LRRC7: variants seen among roughly 807,000 people sequenced by gnomAD.
LRRC7 encodes leucine-rich repeat-containing protein 7.
LRRC7 carries 23 observed loss-of-function variants against 175.7 expected under a neutral mutation model. The ratio of observed to expected loss-of-function variants is 0.13; its 90% confidence interval spans 0.09 to 0.19. The LOEUF is 0.19. Among genes scored for constraint, LRRC7 ranks in the 10% least tolerant of loss-of-function variants. The pLI, the probability that LRRC7 is intolerant of heterozygous loss-of-function variation, is 1.00. For synonymous variants in LRRC7, 685 were observed against 680.9 expected (o/e 1.01, Z -0.09); for missense variants, 1,354 against 1,904.7 (o/e 0.71, Z 5.38).
chr1:69,867,897 G>A (rs2175744), intron 7 of LRRC7, among the ~76,000 whole-genome samples: 71,558 of 151,794 alleles, frequency 0.47, 17,197 homozygotes, highest in East Asian at 0.55. Flanking sequence ...TTTTGAATAT[G>A]TGAAGTTTTA....
chr1:70,012,034 A>T (rs1656559213), intron 12 of LRRC7, 108 bp downstream of exon 12: 1 of 647,024 alleles, frequency 1.5e-6, no homozygotes, highest in East Asian at 2.9e-5. Flanking sequence ...AGCTGTGAAT[A>T]TATATAGGAA....
chr1:69,636,709 G>A (rs1653417541), intron 1 of LRRC7, among the ~76,000 whole-genome samples: 1 of 151,802 alleles, frequency 6.6e-6, no homozygotes, highest in Non-Finnish European at 1.5e-5. Flanking sequence ...CTCATTTGTT[G>A]ACAAATAAAG....
chr1:69,817,110 C>A (rs1678689021), intron 4 of LRRC7, among the ~76,000 whole-genome samples: 1 of 151,878 alleles, frequency 6.6e-6, no homozygotes, highest in Admixed American at 6.6e-5. Context: ...TTTGTATAGT[C>A]CTACTTGCTT....
Position 69,838,201 on chromosome 1 carries a change from G to T in LRRC7, c.591-26G>T, listed in dbSNP as rs371575240. ...ATTTTTTAGACAGACATACTAAGAG[G>T]AAATTTTTAAAATTCATTTCTGTAG... On this transcript the variant is annotated intron_variant, in intron 6 of 26. Coordinates refer to ENST00000651989, the MANE Select transcript of LRRC7 (RefSeq NM_001370785.2). The T allele has an allele frequency of 1.2e-5, 19 of 1,584,086 alleles. No homozygotes were observed. In the African/African-American group the frequency reaches 2.2e-4, roughly 18 times the overall value.
At chr1:69,577,373 CTTTAG>C (rs1645998065) in intron 1 of LRRC7, among the ~76,000 whole-genome samples, 2 of 152,204 alleles carry the variant, frequency 1.3e-5, no homozygotes, top group African/African-American at 4.8e-5. Context: ...TGCAGAAGCT[CTTTAG>C]TTTAATTAGA....
Position 70,039,495 on chromosome 1 carries a change from C to T in LRRC7, c.3671C>T (p.Ala1224Val), listed in dbSNP as rs141951097. ...HPSYQEVKAQ[A>V]GSFPVKNLTQ... ...TCATATCAAGAAGTGAAAGCTCAGGCGGGAAGTTTTCCGGTTAAAAACCTT... is the reference window on the plus strand; with the variant it reads ...TCATATCAAGAAGTGAAAGCTCAGGTGGGAAGTTTTCCGGTTAAAAACCTT... Residue 1224 changes from alanine (A) to valine (V), a missense_variant, in exon 21 of 27, where the codon GCG (alanine) becomes GTG (valine). Coordinates refer to ENST00000651989, the MANE Select transcript of LRRC7 (RefSeq NM_001370785.2). The T allele has an allele frequency of 1.8e-4, 285 of 1,613,994 alleles. No individual in the cohort carries two copies. Among genetic ancestry groups the T allele is most frequent in the Non-Finnish European group, 2.3e-4 (276 of 1,180,026 alleles).
At chr1:69,928,739 T>C (rs569053699) in intron 7 of LRRC7, among the ~76,000 whole-genome samples, 3 of 152,298 alleles carry the variant, frequency 2.0e-5, no homozygotes, top group African/African-American at 2.4e-5. Context: ...GAAAGGGAAC[T>C]CCTTGACCCC....
intron 4 of LRRC7, among the ~76,000 whole-genome samples, chr1:69,805,342 A>G (rs1478431513): frequency 6.6e-6 from 1 of 151,816 alleles, no homozygotes; most frequent in Middle Eastern, 3.2e-3. Flanking sequence ...ACATCTGAGC[A>G]CATTACTCTT....
intron 1 of LRRC7, among the ~76,000 whole-genome samples, chr1:69,571,868 T>C (rs1038578238): frequency 8.5e-5 from 13 of 152,158 alleles, no homozygotes; most frequent in Non-Finnish European, 1.3e-4. Context: ...ATTTTCTTTC[T>C]TCACACAAAT....
At chr1:69,575,101 C>T (rs529238936) in intron 1 of LRRC7, among the ~76,000 whole-genome samples, 1 of 152,164 alleles carries the variant, frequency 6.6e-6, no homozygotes, top group Admixed American at 6.6e-5. Flanking sequence ...CACTTCAGAG[C>T]TGGAAAGGAA....
At chr1:69,873,333 T>C (rs375155048) in intron 7 of LRRC7, 8 of 434,122 alleles carry the variant, frequency 1.8e-5, no homozygotes, top group African/African-American at 1.2e-4. Flanking sequence ...TTAAAACCTA[T>C]TTCTACAGAA....
At chr1:69,654,567 T>C (rs1656335242) in intron 1 of LRRC7, among the ~76,000 whole-genome samples, 1 of 152,116 alleles carries the variant, frequency 6.6e-6, no homozygotes, top group Admixed American at 6.6e-5. Context: ...TTAAGATGCC[T>C]CTATATCAGT....
chr1:69,755,580 C>G (rs1052473336), intron 2 of LRRC7, among the ~76,000 whole-genome samples: 2 of 151,236 alleles, frequency 1.3e-5, no homozygotes, highest in African/African-American at 4.9e-5. Context: ...ATATATAGTA[C>G]AAGTTGCAAA....
chr1:69,786,745 C>T (rs1179187030), intron 3 of LRRC7, among the ~76,000 whole-genome samples: 2 of 152,084 alleles, frequency 1.3e-5, no homozygotes, highest in Admixed American at 6.5e-5. Flanking sequence ...ATTTAATTAC[C>T]TCCCACTGGG....
At chr1:70,097,848 A>T (rs1664525601) in intron 25 of LRRC7, among the ~76,000 whole-genome samples, 1 of 148,544 alleles carries the variant, frequency 6.7e-6, no homozygotes, top group Non-Finnish European at 1.5e-5. Context: ...CATTTTCTTA[A>T]TCCAGTCTAT....
At chr1:69,651,933 G>T (rs1459995226) in intron 1 of LRRC7, among the ~76,000 whole-genome samples, 1 of 152,054 alleles carries the variant, frequency 6.6e-6, no homozygotes, top group East Asian at 1.9e-4. Flanking sequence ...GCATGGCTTG[G>T]TCCAGTCAGC....
chr1:69,663,462 C>A (rs1466918620), intron 1 of LRRC7, among the ~76,000 whole-genome samples: 5 of 152,040 alleles, frequency 3.3e-5, no homozygotes, highest in Non-Finnish European at 1.5e-5. Context: ...AAGCATTTAT[C>A]CTTTGTGTTA....
At chr1:69,818,776 T>A (rs1678892197) in intron 4 of LRRC7, among the ~76,000 whole-genome samples, 2 of 152,118 alleles carry the variant, frequency 1.3e-5, no homozygotes, top group African/African-American at 4.8e-5. Context: ...TCAATCTCCT[T>A]ATTAGTTATG....
At chr1:69,864,635 T>A (rs1161199178) in intron 7 of LRRC7, among the ~76,000 whole-genome samples, 4 of 152,138 alleles carry the variant, frequency 2.6e-5, no homozygotes, top group African/African-American at 9.7e-5. Context: ...ACATGGCAAT[T>A]AAATCAGCAG....
Sources: gnomAD v4.1 joint callset for allele counts (sites outside exome capture counted in the v4.1 genomes callset) on GRCh38, gnomAD v4.1.1 for gene constraint, MANE v1.5 for transcripts, NCBI Gene and HGNC (gene_info 2026-07-23, HGNC 2026-07-21) for gene names.